Variants in SYNPR observed in about 807,000 individuals in gnomAD.
The protein encoded by SYNPR is synaptoporin.
SYNPR carries 23 observed loss-of-function variants against 32.9 expected under a neutral mutation model. The ratio of observed to expected loss-of-function variants is 0.70; its 90% CI spans 0.50 to 0.99. The LOEUF (loss-of-function observed/expected upper bound fraction) is 0.99. SYNPR is among the 50% of genes least tolerant of loss of function. The pLI is 0.00. For synonymous variants in SYNPR, 146 were observed against 135.9 expected, an observed-to-expected ratio of 1.07 and a Z score of -0.52; for missense variants, 318 against 349.3, an observed-to-expected ratio of 0.91 and a Z score of 0.71.
intron 2 of SYNPR, among the ~76,000 whole-genome samples, chr3:63,370,833 A>G (rs1031636849): frequency 6.6e-6 from 1 of 152,214 alleles, no homozygotes; most frequent in Admixed American, 6.5e-5. Flanking sequence ...AATTTAGAGT[A>G]CTGAGTTAGA....
rs538705469 is a variant in SYNPR at position 63,284,494 on chromosome 3, C to A, written c.84+5752C>A. The stretch of plus-strand genomic sequence containing the variant: ...AATTTTGCAATACCTTCTGCTATAA[C>A]CCTGGGTTTCACATCACCATTTTCC... On this transcript the variant is annotated intron_variant, in intron 2 of 5. Coordinates refer to ENST00000478300, the MANE Select transcript of SYNPR (RefSeq NM_001130003.2). Among the ~76,000 whole-genome samples, 56 of 152,278 alleles carry A rather than the reference C, an allele frequency of 3.7e-4. 1 individual carries two copies. Among genetic ancestry groups the A allele is most frequent in the Admixed American group, 1.3e-3 (20 of 15,300 alleles).
At chr3:63,320,585 G>A (rs2087101400) in intron 2 of SYNPR, among the ~76,000 whole-genome samples, 3 of 152,004 alleles carry the variant, frequency 2.0e-5, no homozygotes, top group Admixed American at 2.0e-4. Context: ...CCCCACTTAT[G>A]TCCACAGAAA....
chr3:63,490,218 G>T (rs1224059849), intron 3 of SYNPR, among the ~76,000 whole-genome samples: 2 of 151,996 alleles, frequency 1.3e-5, no homozygotes, highest in African/African-American at 2.4e-5. Flanking sequence ...TCTGAGATTG[G>T]GGAGAGTCTG....
At chr3:63,578,860 A>T (rs187080987) in intron 4 of SYNPR, among the ~76,000 whole-genome samples, 33 of 152,268 alleles carry the variant, frequency 2.2e-4, no homozygotes, top group Admixed American at 2.0e-3. Context: ...CAACTGGTAG[A>T]GTTTGCTTTG....
chr3:63,386,259 C>T (rs759318398), intron 2 of SYNPR, among the ~76,000 whole-genome samples: 10 of 152,164 alleles, frequency 6.6e-5, no homozygotes, highest in Non-Finnish European at 8.8e-5. Context: ...GAGTTTTGAA[C>T]CCTGCTTCAA....
intron 1 of SYNPR, among the ~76,000 whole-genome samples, chr3:63,235,238 A>C (rs1446588046): frequency 5.9e-5 from 9 of 152,218 alleles, no homozygotes; most frequent in Non-Finnish European, 1.2e-4. Flanking sequence ...AACAGGAAAC[A>C]GGCCTGTTGG....
At chr3:63,236,157 T>A (rs1178169823) in intron 1 of SYNPR, among the ~76,000 whole-genome samples, 1 of 152,038 alleles carries the variant, frequency 6.6e-6, no homozygotes, top group Non-Finnish European at 1.5e-5. Context: ...GCATTGCTTT[T>A]TTGCCTCTGT....
intron 2 of SYNPR, among the ~76,000 whole-genome samples, chr3:63,380,607 G>A (rs573838431): frequency 2.0e-5 from 3 of 151,944 alleles, no homozygotes; most frequent in East Asian, 3.9e-4. Flanking sequence ...CAGATGAGTC[G>A]ATTTTAGACC....
chr3:63,585,349 G>T (rs1212601487), intron 4 of SYNPR, among the ~76,000 whole-genome samples: 1 of 151,970 alleles, frequency 6.6e-6, no homozygotes, highest in Non-Finnish European at 1.5e-5. Flanking sequence ...CTTTGGGAGG[G>T]ATTGGACAGA....
At chr3:63,544,430 C>T (rs563049436) in intron 3 of SYNPR, among the ~76,000 whole-genome samples, 1 of 152,042 alleles carries the variant, frequency 6.6e-6, no homozygotes, top group South Asian at 2.1e-4. Flanking sequence ...CAGGATAATA[C>T]CTTTTCAGTG....
intron 2 of SYNPR, among the ~76,000 whole-genome samples, chr3:63,348,383 G>A (rs1172120774): frequency 6.6e-6 from 1 of 151,536 alleles, no homozygotes; most frequent in South Asian, 2.1e-4. Flanking sequence ...GTTATTTGTT[G>A]TTGTTTTTTT....
intron 4 of SYNPR, among the ~76,000 whole-genome samples, chr3:63,575,764 A>T (rs1702968772): frequency 6.6e-6 from 1 of 152,198 alleles, no homozygotes; most frequent in South Asian, 2.1e-4. Flanking sequence ...GGAAACAAAG[A>T]TCTCAAGTGG....
intron 2 of SYNPR, among the ~76,000 whole-genome samples, chr3:63,400,832 G>A (rs142832832): frequency 6.6e-6 from 1 of 152,256 alleles, no homozygotes; most frequent in Admixed American, 6.5e-5. Flanking sequence ...ATAAAACAAG[G>A]ATTCTGTAGG....
intron 2 of SYNPR, among the ~76,000 whole-genome samples, chr3:63,412,592 T>C (rs1317942186): frequency 1.3e-5 from 2 of 151,888 alleles, no homozygotes; most frequent in African/African-American, 2.4e-5. Context: ...TATTGTAGGG[T>C]AGATTTTAGG....
intron 3 of SYNPR, among the ~76,000 whole-genome samples, chr3:63,512,896 C>G (rs570025092): frequency 6.6e-6 from 1 of 152,254 alleles, no homozygotes; most frequent in South Asian, 2.1e-4. Context: ...GAATTGTTCT[C>G]TTGAAAATCT....
chr3:63,267,341 G>A (rs1322203001), exon 3 of SYNPR: 1 of 152,174 alleles, frequency 6.6e-6, no homozygotes, highest in African/African-American at 2.4e-5. Flanking sequence ...GGCTTTCCTG[G>A]AGTGTCAATA....
chr3:63,521,478 G>C (rs1251124569), intron 3 of SYNPR, among the ~76,000 whole-genome samples: 1 of 152,120 alleles, frequency 6.6e-6, no homozygotes, highest in African/African-American at 2.4e-5. Flanking sequence ...ATTAAGTCAG[G>C]GAGCGTACTT....
At chr3:63,535,151 CTGCATACA>C (rs1190629800) in intron 3 of SYNPR, among the ~76,000 whole-genome samples, 2 of 152,086 alleles carry the variant, frequency 1.3e-5, no homozygotes, top group Non-Finnish European at 2.9e-5. Context: ...TAAATACACT[CTGCATACA>C]TGCATACATA....
chr3:63,360,864 C>G (rs1307722044), intron 2 of SYNPR, among the ~76,000 whole-genome samples: 1 of 152,130 alleles, frequency 6.6e-6, no homozygotes, highest in Non-Finnish European at 1.5e-5. Flanking sequence ...GTCCATAACA[C>G]TTATTGCTAT....
Sources: allele counts gnomAD v4.1 joint callset (sites outside exome capture counted in the v4.1 genomes callset), GRCh38; gene constraint gnomAD v4.1.1; transcripts MANE v1.5; gene names NCBI Gene and HGNC (gene_info 2026-07-23, HGNC 2026-07-21).